The following TLE1 variants were observed in gnomAD, a reference collection of about 807,000 sequenced individuals.
TLE1 encodes transducin-like enhancer protein 1.
Under a neutral mutation model 89.8 loss-of-function variants are expected in TLE1, and 21 were observed. The ratio of observed to expected loss-of-function variants is 0.23; its 90% CI spans 0.17 to 0.34. TLE1 has a LOEUF of 0.34. Ranked by LOEUF, TLE1 falls within the 10% of genes least tolerant of loss-of-function variation. The pLI, the probability that TLE1 is intolerant of heterozygous loss-of-function variation, is 1.00. For missense variants in TLE1, 795 were observed against 1,031.2 expected (o/e 0.77, Z 3.14); for synonymous variants, 447 against 407.6 (o/e 1.10, Z -1.16).
At chr9:81,626,393 C>T (rs815843) in intron 8 of TLE1, among the ~76,000 whole-genome samples, 142,203 of 152,214 alleles carry the variant, frequency 0.93, 66,524 homozygotes, top group African/African-American at 0.97. Flanking sequence ...TGGTGTCAAT[C>T]AAGCCATCAC....
chr9:81,668,937 GT>G (rs1364639692), intron 4 of TLE1, among the ~76,000 whole-genome samples: 2 of 151,916 alleles, frequency 1.3e-5, no homozygotes, highest in Non-Finnish European at 2.9e-5. Flanking sequence ...GCTCCTGTGT[GT>G]TTTTAGAAAA....
intron 6 of TLE1, among the ~76,000 whole-genome samples, chr9:81,643,102 G>A (rs528461541): frequency 2.6e-5 from 4 of 152,092 alleles, no homozygotes; most frequent in Non-Finnish European, 4.4e-5. Flanking sequence ...TTGGTCAAAG[G>A]GTACAAGGTT....
intron 4 of TLE1, among the ~76,000 whole-genome samples, chr9:81,660,398 GTTTTA>G (rs1161780867): frequency 6.6e-6 from 1 of 151,626 alleles, no homozygotes; most frequent in East Asian, 1.9e-4. Flanking sequence ...TACATGTATG[GTTTTA>G]TTTTTTTATT....
chr9:81,584,542 AT>A lies in TLE1; in HGVS notation c.2129-19del, dbSNP rs1375654092. 19 of 1,612,392 alleles carry A rather than the reference AT, an allele frequency of 1.2e-5. No individual in the cohort carries two copies. The highest frequency in any genetic ancestry group is 1.6e-5 in the Non-Finnish European group (19 of 1,179,070). On this transcript the variant is annotated intron_variant, in intron 18 of 19. Transcript: ENST00000376499. ...CCATTTACCTAGAATTAGCAAAGGA[AT>A]ATCTAGTTTTCACAAGGTTAAAATT...
At chr9:81,625,305 G>A (rs1183948885) in intron 8 of TLE1, among the ~76,000 whole-genome samples, 1 of 152,184 alleles carries the variant, frequency 6.6e-6, no homozygotes, top group Non-Finnish European at 1.5e-5. Context: ...CTAATAGGAT[G>A]ACAGAACAGA....
At chr9:81,614,837 C>T (rs1480408910) in intron 11 of TLE1, among the ~76,000 whole-genome samples, 2 of 151,260 alleles carry the variant, frequency 1.3e-5, no homozygotes, top group East Asian at 2.0e-4. Flanking sequence ...TATGACATGC[C>T]CCGATATTAA....
intron 6 of TLE1, among the ~76,000 whole-genome samples, chr9:81,647,427 G>T (rs1308308747): frequency 6.6e-6 from 1 of 152,160 alleles, no homozygotes; most frequent in Non-Finnish European, 1.5e-5. Context: ...TTTCACTACT[G>T]TTTCCTTATT....
chr9:81,629,019 A>C (rs372397051), intron 8 of TLE1, among the ~76,000 whole-genome samples: 45 of 152,120 alleles, frequency 3.0e-4, no homozygotes, highest in African/African-American at 1.1e-3. Context: ...TTTTCCAAAT[A>C]GTGATCACAC....
intron 14 of TLE1, among the ~76,000 whole-genome samples, chr9:81,597,758 C>T (rs1184589290): frequency 2.0e-5 from 3 of 152,130 alleles, no homozygotes; most frequent in African/African-American, 2.4e-5. Context: ...TATAAAAACC[C>T]ATTAAGAGCA....
rs371977486 is a variant in TLE1, at chr9:81,611,892, G to A, written c.1131C>T (p.His377=). The A allele has an allele frequency of 1.2e-4, 183 of 1,538,746 alleles. No individual in the cohort carries two copies. The highest frequency in any genetic ancestry group is 8.6e-5 in the African/African-American group (6 of 69,714). Residue 377 remains histidine (H), a synonymous_variant, in exon 13 of 20, where the codon CAC becomes CAT. Transcript: ENST00000376499. ...TGGTCAGCTCGCCGTTCATGCCAGC[G>A]TGGGGGACCATCCCAAAAGGAGCAG... ...PYPAPFGMVP[H]AGMNGELTSP...
At chr9:81,585,060 T>C (rs1828184105) in intron 18 of TLE1, among the ~76,000 whole-genome samples, 1 of 152,142 alleles carries the variant, frequency 6.6e-6, no homozygotes, top group Non-Finnish European at 1.5e-5. Flanking sequence ...GGTCACCACA[T>C]GAACTTCTTC....
intron 16 of TLE1, among the ~76,000 whole-genome samples, chr9:81,590,503 A>G (rs987038932): frequency 1.3e-5 from 2 of 152,234 alleles, no homozygotes; most frequent in Non-Finnish European, 2.9e-5. Flanking sequence ...TGTAATCCAC[A>G]TTAGGCCACC....
intron 14 of TLE1, among the ~76,000 whole-genome samples, chr9:81,599,511 C>G (rs1421198589): frequency 6.6e-6 from 1 of 152,090 alleles, no homozygotes; most frequent in African/African-American, 2.4e-5. Flanking sequence ...ATTTATGATT[C>G]CAGAGGATAC....
intron 8 of TLE1, 80 bp from the exon 9 acceptor site, chr9:81,620,637 A>G: frequency 6.5e-7 from 1 of 1,550,314 alleles, no homozygotes; most frequent in Non-Finnish European, 8.7e-7. Context: ...TGTGAGAACT[A>G]TTTTTGAAAG....
chr9:81,606,018 A>C (rs1460118534), intron 14 of TLE1, among the ~76,000 whole-genome samples: 2 of 152,246 alleles, frequency 1.3e-5, no homozygotes, highest in Non-Finnish European at 2.9e-5. Flanking sequence ...ACACATGAAA[A>C]AATGCTCATC....
intron 4 of TLE1, among the ~76,000 whole-genome samples, chr9:81,664,665 C>T (rs1831230752): frequency 3.9e-5 from 6 of 151,916 alleles, no homozygotes; most frequent in Admixed American, 3.9e-4. Flanking sequence ...GAGTTTGAAA[C>T]CAGCCTGGGC....
chr9:81,676,241 G>A (rs1215966661), intron 4 of TLE1, among the ~76,000 whole-genome samples: 3 of 152,168 alleles, frequency 2.0e-5, no homozygotes, highest in Non-Finnish European at 4.4e-5. Context: ...TATAATCAAT[G>A]CCTACTCTGG....
At chr9:81,665,643 C>G (rs982970343) in intron 4 of TLE1, among the ~76,000 whole-genome samples, 1 of 152,166 alleles carries the variant, frequency 6.6e-6, no homozygotes, top group Admixed American at 6.5e-5. Flanking sequence ...CTCCTATCTT[C>G]GCAGCAGCTC....
chr9:81,588,756 G>A (rs962241273), intron 16 of TLE1, among the ~76,000 whole-genome samples: 4 of 152,086 alleles, frequency 2.6e-5, no homozygotes, highest in African/African-American at 9.7e-5. Flanking sequence ...AGCCAGAAAA[G>A]GCGAGCAAAG....
Sources: allele counts gnomAD v4.1 joint callset (sites outside exome capture counted in the v4.1 genomes callset), GRCh38; gene constraint gnomAD v4.1.1; transcripts MANE v1.5; gene names NCBI Gene and HGNC (gene_info 2026-07-23, HGNC 2026-07-21).